Variants in HTR2C observed in about 807,000 individuals in gnomAD.
HTR2C encodes the protein 5-hydroxytryptamine (serotonin) receptor 2C, G protein-coupled.
A neutral mutation model predicts 21.0 loss-of-function variants in HTR2C; 5 were observed. That is an observed-to-expected ratio of 0.24 (90% CI 0.12 to 0.50). HTR2C has a LOEUF of 0.50. Among genes scored for constraint, HTR2C ranks in the 20% least tolerant of loss-of-function variants. The pLI is 0.98. For missense variants in HTR2C, 271 were observed against 371.2 expected (o/e 0.73, Z 2.22); for synonymous variants, 150 against 145.3 (o/e 1.03, Z -0.23).
chrX:114,842,471 C>G (rs1259171544), intron 4 of HTR2C, among the ~76,000 whole-genome samples: 1 of 111,796 alleles, frequency 8.9e-6, no homozygotes, highest in Non-Finnish European at 1.9e-5. Flanking sequence ...TAACACTAGA[C>G]CACACAAACA....
At position 114,688,048 on chromosome X, in the gene HTR2C, C is replaced by T. The variant is rs782217763; in HGVS notation, c.-79-38810C>T. On this transcript the variant is annotated intron_variant, in intron 2 of 5. Transcript: ENST00000276198. ...TGGAATTGACATTCACGGCCGAGCACGGTGGCTCATGCCTATAATCCTAGC... is the reference window on the plus strand; with the variant it reads ...TGGAATTGACATTCACGGCCGAGCATGGTGGCTCATGCCTATAATCCTAGC... Among the ~76,000 whole-genome samples, 118 of 111,093 alleles carry T rather than the reference C, an allele frequency of 1.1e-3. 1 individual carries two copies. The highest frequency in any genetic ancestry group is 3.7e-3 in the African/African-American group (112 of 30,612).
At chrX:114,743,836 C>T (rs1325532114) in intron 4 of HTR2C, among the ~76,000 whole-genome samples, 1 of 112,208 alleles carries the variant, frequency 8.9e-6, no homozygotes, top group African/African-American at 3.2e-5. Flanking sequence ...ATTGCCAACA[C>T]TGGCAATAAA....
chrX:114,762,006 A>ATGTG (rs2069882262), intron 4 of HTR2C, among the ~76,000 whole-genome samples: 1,624 of 7,964 alleles, frequency 0.2, 529 homozygotes, highest in East Asian at 0.83. Flanking sequence ...ATACACATAT[A>ATGTG]TATAGTATAT....
At chrX:114,863,460 A>G (rs1230729519) in intron 5 of HTR2C, among the ~76,000 whole-genome samples, 1 of 111,483 alleles carries the variant, frequency 9.0e-6, no homozygotes, top group Non-Finnish European at 1.9e-5. Context: ...TCCTCCTAAT[A>G]TTGATTTCTC....
At chrX:114,591,907 C>A (rs978532240) in intron 1 of HTR2C, among the ~76,000 whole-genome samples, 3 of 111,581 alleles carry the variant, frequency 2.7e-5, no homozygotes, top group Non-Finnish European at 5.7e-5. Context: ...ATGGTATAGG[C>A]AACATTGATT....
At chrX:114,847,376 GA>G (rs1371285262) in intron 4 of HTR2C, among the ~76,000 whole-genome samples, 3 of 85,668 alleles carry the variant, frequency 3.5e-5, no homozygotes, top group South Asian at 1.4e-3. Context: ...TCATAGGTGG[GA>G]ATTGAACAAT....
intron 4 of HTR2C, among the ~76,000 whole-genome samples, chrX:114,761,990 C>CA (rs782126342): frequency 0.015 from 147 of 9,861 alleles, 40 homozygotes; most frequent in East Asian, 0.031. Flanking sequence ...TGTATATATA[C>CA]TATATATACA....
At position 114,906,582 on chromosome X, in the gene HTR2C, C is replaced by T. The variant is rs1556486730; in HGVS notation, c.551-7C>T. The T allele has an allele frequency of 8.6e-7, 1 of 1,165,625 alleles. No individual in the cohort carries two copies. Among genetic ancestry groups the T allele is most frequent in the Non-Finnish European group, 1.2e-6 (1 of 864,524 alleles). Reference sequence around the variant, plus strand: ...TATAACAACCCCCTTCCTTTTTCTTCCTTTAGGTGTATCAGTTCCTATCCC... The same window carrying T: ...TATAACAACCCCCTTCCTTTTTCTTTCTTTAGGTGTATCAGTTCCTATCCC... On this transcript the variant is annotated splice_region_variant and splice_polypyrimidine_tract_variant and intron_variant, in intron 5 of 5. Coordinates refer to ENST00000276198, the MANE Select transcript of HTR2C (RefSeq NM_000868.4).
intron 2 of HTR2C, among the ~76,000 whole-genome samples, chrX:114,637,325 C>T (rs1556405405): frequency 9.0e-6 from 1 of 110,801 alleles, no homozygotes; most frequent in African/African-American, 3.3e-5. Flanking sequence ...TTTTATTCTG[C>T]CAGTCATATT....
chrX:114,596,029 A>G (rs1927829905), intron 1 of HTR2C, among the ~76,000 whole-genome samples: 1 of 112,068 alleles, frequency 8.9e-6, no homozygotes, highest in Admixed American at 9.5e-5. Flanking sequence ...CAGAACCCAG[A>G]TAACAGAGGG....
intron 2 of HTR2C, among the ~76,000 whole-genome samples, chrX:114,620,489 TA>T (rs1290378816): frequency 1.8e-5 from 2 of 111,836 alleles, no homozygotes; most frequent in Non-Finnish European, 3.8e-5. Context: ...TATTTATGCA[TA>T]CATGTAATAC....
intron 5 of HTR2C, among the ~76,000 whole-genome samples, chrX:114,855,076 TC>T (rs1468831396): frequency 8.9e-5 from 10 of 111,803 alleles, no homozygotes; most frequent in Non-Finnish European, 1.5e-4. Flanking sequence ...GTTTTTTTCA[TC>T]CAATTTATTG....
At chrX:114,748,114 A>G (rs1282428031) in intron 4 of HTR2C, among the ~76,000 whole-genome samples, 6 of 112,283 alleles carry the variant, frequency 5.3e-5, no homozygotes, top group African/African-American at 1.3e-4. Context: ...TTGTGTTTCT[A>G]TATAGTAGTG....
At chrX:114,864,909 T>G (rs1445595125) in intron 5 of HTR2C, among the ~76,000 whole-genome samples, 1 of 108,175 alleles carries the variant, frequency 9.2e-6, no homozygotes, top group Non-Finnish European at 1.9e-5. Context: ...TCTTTTTTTT[T>G]TTTTTGCTTT....
chrX:114,807,450 A>G (rs1461160400), intron 4 of HTR2C, among the ~76,000 whole-genome samples: 2 of 35,349 alleles, frequency 5.7e-5, no homozygotes, highest in African/African-American at 1.5e-4. Context: ...TATATACCAT[A>G]TATATACGCC....
chrX:114,724,966 A>T (rs1186551377), intron 2 of HTR2C, among the ~76,000 whole-genome samples: 1 of 109,715 alleles, frequency 9.1e-6, no homozygotes, highest in African/African-American at 3.3e-5. Context: ...CTTCATTTCA[A>T]CTTTGGTGAA....
At chrX:114,753,406 T>C (rs1392790870) in intron 4 of HTR2C, among the ~76,000 whole-genome samples, 1 of 111,887 alleles carries the variant, frequency 8.9e-6, no homozygotes, top group East Asian at 2.8e-4. Flanking sequence ...CTTACAGCAG[T>C]CATAGGAAAC....
chrX:114,866,308 T>C, intron 5 of HTR2C, among the ~76,000 whole-genome samples: 1 of 110,191 alleles, frequency 9.1e-6, no homozygotes, highest in Non-Finnish European at 1.9e-5. Flanking sequence ...TTTTCTCCTA[T>C]ATTTTATCAT....
chrX:114,694,345 G>A (rs1439243765), intron 2 of HTR2C, among the ~76,000 whole-genome samples: 4 of 106,888 alleles, frequency 3.7e-5, no homozygotes, highest in African/African-American at 1.4e-4. Flanking sequence ...TTAATATTTC[G>A]AACACCCAAA....
Sources: allele counts gnomAD v4.1 joint callset (sites outside exome capture counted in the v4.1 genomes callset), GRCh38; gene constraint gnomAD v4.1.1; transcripts MANE v1.5; gene names NCBI Gene and HGNC (gene_info 2026-07-23, HGNC 2026-07-21).